TRAK2: variants seen among roughly 807,000 people sequenced by gnomAD.
TRAK2 encodes trafficking kinesin-binding protein 2.
A neutral mutation model predicts 104.6 loss-of-function variants in TRAK2; 81 were observed. The ratio of observed to expected loss-of-function variants is 0.77; its 90% CI spans 0.65 to 0.93. The LOEUF is 0.93. Ranked by LOEUF, TRAK2 falls within the 40% of genes least tolerant of loss-of-function variation. The pLI, the probability that TRAK2 is intolerant of heterozygous loss-of-function variation, is 0.00. For synonymous variants in TRAK2, 406 were observed against 394.4 expected (o/e 1.03, Z -0.35); for missense variants, 1,002 against 1,089.0 (o/e 0.92, Z 1.12).
At chr2:201,394,920 T>G in intron 8 of TRAK2, 48 bp from the exon 9 acceptor site, 1 of 1,453,916 alleles carries the variant, frequency 6.9e-7, no homozygotes, top group Non-Finnish European at 9.6e-7. Flanking sequence ...AAGTAAAATA[T>G]AGCTATTCTC....
chr2:201,416,776 A>C lies in TRAK2; in HGVS notation c.91+3641T>G, dbSNP rs534941681. Reference sequence around the variant, plus strand: ...ATTTGAAGATGGGCTTTGATAAGTTAAAGGTATGTATTGCAACCTGGAGCA... The same window carrying C: ...ATTTGAAGATGGGCTTTGATAAGTTCAAGGTATGTATTGCAACCTGGAGCA... On this transcript the variant is annotated intron_variant, in intron 2 of 15. Transcript: ENST00000332624. Among the ~76,000 whole-genome samples, 208 of 152,278 alleles carry C rather than the reference A, an allele frequency of 1.4e-3. 1 individual carries two copies. The South Asian group carries it at 0.016, about 12-fold the overall frequency.
rs1379895991 is a variant in TRAK2 at position 201,443,805 on chromosome 2, ACCT to A, written c.-200+7542_-200+7544del. Among the ~76,000 whole-genome samples the A allele has an allele frequency of 2.0e-5, 3 of 152,036 alleles. No homozygotes were observed. The East Asian group carries it at 5.8e-4, about 29-fold the overall frequency. ...CATCTCTTAGACTATGAACCAACAA[ACCT>A]CCTAACAAGGCTCCATGCTTAATCA... is the stretch of plus-strand genomic sequence containing the variant. On this transcript the variant is annotated intron_variant, in intron 1 of 15. Transcript: ENST00000332624.
intron 1 of TRAK2, among the ~76,000 whole-genome samples, chr2:201,443,922 C>T (rs1193514109): frequency 3.3e-5 from 5 of 152,052 alleles, no homozygotes; most frequent in African/African-American, 9.7e-5. Context: ...AAATCCAGGG[C>T]GGCCGCAGTG....
At chr2:201,431,020 A>G (rs1164381719) in intron 1 of TRAK2, among the ~76,000 whole-genome samples, 2 of 152,164 alleles carry the variant, frequency 1.3e-5, no homozygotes, top group African/African-American at 4.8e-5. Flanking sequence ...CAGAATGACT[A>G]CCACGTTTAA....
intron 1 of TRAK2, among the ~76,000 whole-genome samples, chr2:201,443,322 T>C (rs1011515189): frequency 6.6e-6 from 1 of 152,212 alleles, no homozygotes; most frequent in Non-Finnish European, 1.5e-5. Flanking sequence ...CTCTGGTTTA[T>C]ATTGTTGACT....
intron 4 of TRAK2, among the ~76,000 whole-genome samples, chr2:201,399,766 A>G (rs528572300): frequency 6.6e-6 from 1 of 152,070 alleles, no homozygotes; most frequent in Non-Finnish European, 1.5e-5. Context: ...GTAAATTAAG[A>G]GTCTAGCAAC....
At chr2:201,411,038 T>C (rs1951641609) in intron 2 of TRAK2, 1 of 1,299,122 alleles carries the variant, frequency 7.7e-7, no homozygotes, top group Non-Finnish European at 1.1e-6. Context: ...AATTTCTCTT[T>C]GTATTATCAA....
chr2:201,429,433 C>T (rs1376603396), intron 1 of TRAK2, among the ~76,000 whole-genome samples: 2 of 152,176 alleles, frequency 1.3e-5, no homozygotes, highest in African/African-American at 4.8e-5. Flanking sequence ...GGGAAGTTCT[C>T]CTGGATAATA....
chr2:201,440,277 C>T (rs1951911093), intron 1 of TRAK2, among the ~76,000 whole-genome samples: 1 of 152,032 alleles, frequency 6.6e-6, no homozygotes. Flanking sequence ...GTGAGGCTAT[C>T]AACTACTACA....
intron 2 of TRAK2, among the ~76,000 whole-genome samples, chr2:201,409,589 C>T (rs557233999): frequency 5.1e-4 from 77 of 152,276 alleles, no homozygotes; most frequent in South Asian, 1.0e-3. Context: ...TAATTTACAA[C>T]GATTAGTTTG....
chr2:201,409,561 G>A (rs1180661729), intron 2 of TRAK2, among the ~76,000 whole-genome samples: 1 of 152,146 alleles, frequency 6.6e-6, no homozygotes, highest in East Asian at 1.9e-4. Context: ...ACCATTTGAG[G>A]CAGACCATGC....
At chr2:201,389,957 G>T in intron 10 of TRAK2, 77 bp from the exon 11 acceptor site, 3 of 1,122,598 alleles carry the variant, frequency 2.7e-6, no homozygotes, top group Non-Finnish European at 3.8e-6. Flanking sequence ...CTATACTTTT[G>T]GTTTTATAAT....
Position 201,420,574 on chromosome 2 carries a change from T to C in TRAK2, c.-67A>G. The C allele has an allele frequency of 1.6e-6, 2 of 1,273,160 alleles. No individual in the cohort carries two copies. The highest frequency in any genetic ancestry group is 2.3e-6 in the Non-Finnish European group (2 of 877,416). 78.9% of individuals were successfully genotyped at this position (1,273,160 alleles called of 1,614,324 possible). On this transcript the variant is annotated 5_prime_UTR_variant, in exon 2 of 16. It removes an upstream start codon present in the reference 5' UTR. Transcript: ENST00000332624. ...TATGAATCAGAGTAAAGGAAATCCATCAAGCCATTCAATAATGAAATGGAT... is the reference window on the plus strand; with the variant it reads ...TATGAATCAGAGTAAAGGAAATCCACCAAGCCATTCAATAATGAAATGGAT...
At chr2:201,405,667 A>C (rs1318958667) in intron 3 of TRAK2, among the ~76,000 whole-genome samples, 2 of 152,236 alleles carry the variant, frequency 1.3e-5, no homozygotes, top group Non-Finnish European at 2.9e-5. Flanking sequence ...AAATTTATCC[A>C]GATGAAATTT....
At chr2:201,388,385 TAAAGAAGGA>T (rs1369287623) in intron 12 of TRAK2, among the ~76,000 whole-genome samples, 1 of 151,934 alleles carries the variant, frequency 6.6e-6, no homozygotes, top group Non-Finnish European at 1.5e-5. Context: ...TTATGTATCA[TAAAGAAGGA>T]AAAAAACGCT....
intron 4 of TRAK2, among the ~76,000 whole-genome samples, chr2:201,399,744 T>C (rs1480899376): frequency 6.6e-6 from 1 of 152,084 alleles, no homozygotes; most frequent in Non-Finnish European, 1.5e-5. Context: ...GTGAGATTTA[T>C]TGATCATCCT....
chr2:201,433,864 A>T (rs1951861929), intron 1 of TRAK2, among the ~76,000 whole-genome samples: 1 of 152,218 alleles, frequency 6.6e-6, no homozygotes, highest in South Asian at 2.1e-4. Flanking sequence ...CCTCTGCCAA[A>T]ACCATTTCAG....
chr2:201,449,186 G>C (rs1951989552), intron 1 of TRAK2, among the ~76,000 whole-genome samples: 1 of 152,160 alleles, frequency 6.6e-6, no homozygotes, highest in South Asian at 2.1e-4. Context: ...CAGGGGTTCA[G>C]GACTTATTCC....
Position 201,378,304 on chromosome 2 carries a change from A to T in TRAK2, c.*2239T>A, listed in dbSNP as rs1053291499. 6.6e-6 allele frequency: 1 copy of T among 152,190 alleles called. No homozygotes were observed. The allele number at this position is 152,190 out of a possible 1,614,324, so 9.4% of individuals were successfully genotyped here. ...CAAAGTGATCATTTAGTCATTAATTATAAAAAAGTATACAAATTATACTCA... is the reference window on the plus strand; with the variant it reads ...CAAAGTGATCATTTAGTCATTAATTTTAAAAAAGTATACAAATTATACTCA... On this transcript the variant is annotated 3_prime_UTR_variant, in exon 16 of 16. Coordinates refer to ENST00000332624, the MANE Select transcript of TRAK2 (RefSeq NM_015049.3).
Sources: gnomAD v4.1 joint callset for allele counts (sites outside exome capture counted in the v4.1 genomes callset) on GRCh38, gnomAD v4.1.1 for gene constraint, MANE v1.5 for transcripts, NCBI Gene and HGNC (gene_info 2026-07-23, HGNC 2026-07-21) for gene names.